The following TMC1 variants were observed in gnomAD, a reference collection of about 807,000 sequenced individuals.
TMC1 encodes the protein transmembrane channel-like protein 1.
In TMC1, 84 loss-of-function variants were observed where a neutral mutation model predicts 105.8. The ratio of observed to expected loss-of-function variants is 0.79; its 90% CI spans 0.67 to 0.95. The LOEUF (loss-of-function observed/expected upper bound fraction) is 0.95. TMC1 is among the 40% of genes least tolerant of loss of function. The probability of loss-of-function intolerance (pLI) is 0.00; values close to 1 mark genes in which losing one functional copy is unlikely to be tolerated. For synonymous variants in TMC1, 315 were observed against 311.5 expected, an observed-to-expected ratio of 1.01 and a Z score of -0.12; for missense variants, 817 against 914.1, an observed-to-expected ratio of 0.89 and a Z score of 1.37.
chr9:72,547,738 C>T (rs1823795943), intron 1 of TMC1, among the ~76,000 whole-genome samples: 1 of 152,188 alleles, frequency 6.6e-6, no homozygotes, highest in Non-Finnish European at 1.5e-5. Flanking sequence ...GAGATAGGAA[C>T]AGAGCCTGAA....
intron 1 of TMC1, among the ~76,000 whole-genome samples, chr9:72,560,649 C>T (rs370385051): frequency 1.8e-4 from 28 of 152,204 alleles, no homozygotes; most frequent in African/African-American, 6.5e-4. Flanking sequence ...CAGGTGCATG[C>T]CACCATGCCT....
intron 8 of TMC1, among the ~76,000 whole-genome samples, chr9:72,726,100 TAAC>T (rs1827120409): frequency 6.6e-6 from 1 of 152,156 alleles, no homozygotes. Context: ...ACAAATATCA[TAAC>T]AAATCGTGTG....
intron 13 of TMC1, 58 bp downstream of exon 13, chr9:72,772,613 A>C: frequency 1.2e-6 from 2 of 1,605,024 alleles, no homozygotes; most frequent in Non-Finnish European, 1.7e-6. Flanking sequence ...AAATGGAGGG[A>C]TTAATTTGGG....
rs75792567 is a variant in TMC1, at chr9:72,779,395, C to A, written c.884+6840C>A. Among the ~76,000 whole-genome samples, 1,392 of 152,316 alleles carry A rather than the reference C, an allele frequency of 9.1e-3. 25 individuals are homozygous for A. The highest frequency in any genetic ancestry group is 0.032 in the African/African-American group (1,323 of 41,570). Reference sequence around the variant, plus strand: ...CCAAATGACCATGCTAGCTCCCCAGCAATGGTTCTTAATCAGACTGAGATG... The same window carrying A: ...CCAAATGACCATGCTAGCTCCCCAGAAATGGTTCTTAATCAGACTGAGATG... On this transcript the variant is annotated intron_variant, in intron 13 of 23. Transcript: ENST00000297784.
intron 4 of TMC1, among the ~76,000 whole-genome samples, chr9:72,647,006 G>A (rs1825724103): frequency 1.3e-5 from 2 of 151,970 alleles, no homozygotes; most frequent in South Asian, 2.1e-4. Flanking sequence ...GCCCGGTGTG[G>A]TGGCGGGTGC....
intron 10 of TMC1, among the ~76,000 whole-genome samples, chr9:72,745,087 T>A (rs1827467374): frequency 6.6e-6 from 1 of 152,236 alleles, no homozygotes; most frequent in Non-Finnish European, 1.5e-5. Context: ...ACTTCTTCAC[T>A]GTTAATGGTG....
chr9:72,762,253 T>A (rs1170182086), intron 12 of TMC1, among the ~76,000 whole-genome samples: 1 of 152,218 alleles, frequency 6.6e-6, no homozygotes, highest in Non-Finnish European at 1.5e-5. Context: ...TTTCCCATCA[T>A]GCTCAGTCAT....
intron 2 of TMC1, among the ~76,000 whole-genome samples, chr9:72,595,054 C>T (rs940144668): frequency 2.6e-5 from 4 of 151,798 alleles, no homozygotes; most frequent in East Asian, 1.9e-4. Context: ...TTAGTAGAGA[C>T]GGGGTTTCTT....
chr9:72,579,906 T>A (rs1191212651), intron 2 of TMC1, among the ~76,000 whole-genome samples: 1 of 151,414 alleles, frequency 6.6e-6, no homozygotes. Context: ...TATAAATAAA[T>A]AAATAGATAA....
intron 7 of TMC1, among the ~76,000 whole-genome samples, chr9:72,698,596 A>C (rs1826589814): frequency 6.6e-6 from 1 of 152,194 alleles, no homozygotes; most frequent in Non-Finnish European, 1.5e-5. Flanking sequence ...GTTAGGAGGT[A>C]TAAATGTTAA....
At chr9:72,590,035 C>T (rs1824611455) in intron 2 of TMC1, among the ~76,000 whole-genome samples, 1 of 152,160 alleles carries the variant, frequency 6.6e-6, no homozygotes, top group African/African-American at 2.4e-5. Flanking sequence ...CTGTCCCAGC[C>T]CTTGGCTGCC....
intron 12 of TMC1, among the ~76,000 whole-genome samples, chr9:72,769,663 A>G (rs1393308993): frequency 6.6e-6 from 1 of 152,220 alleles, no homozygotes; most frequent in South Asian, 2.1e-4. Context: ...CAGCAACTTC[A>G]TAGTGTTCTC....
chr9:72,633,998 A>G (rs1195256265), intron 4 of TMC1, among the ~76,000 whole-genome samples: 5 of 152,214 alleles, frequency 3.3e-5, no homozygotes, highest in Non-Finnish European at 7.3e-5. Flanking sequence ...GATAATCACA[A>G]GGCCAGCCAA....
At chr9:72,722,291 A>G (rs1180983724) in intron 8 of TMC1, among the ~76,000 whole-genome samples, 1 of 152,120 alleles carries the variant, frequency 6.6e-6, no homozygotes, top group African/African-American at 2.4e-5. Context: ...ACTGTGCCAT[A>G]CTACTTCTAA....
chr9:72,544,478 C>CTTTT lies in TMC1; in HGVS notation c.-428+22580_-428+22583dup, dbSNP rs71493656. On this transcript the variant is annotated intron_variant, in intron 1 of 23. Coordinates refer to ENST00000297784, the MANE Select transcript of TMC1 (RefSeq NM_138691.3). ...CTTCCCTTTGTTGTTGATTTTTTAA[C>CTTTT]TTTTTTTTTTTTTTTTTTGTGAGAA... 5.1e-3 allele frequency among the ~76,000 whole-genome samples: 640 copies of CTTTT among 125,216 alleles called. 28 individuals carry two copies. Among genetic ancestry groups the CTTTT allele is most frequent in the African/African-American group, 0.019 (599 of 32,020 alleles). 82.1% of individuals were successfully genotyped at this position (125,216 alleles called of 152,430 possible). A position where few individuals can be genotyped will look rare whatever the true frequency, so the allele number is the denominator to read the frequency against.
At chr9:72,605,039 A>C (rs1405450834) in intron 2 of TMC1, among the ~76,000 whole-genome samples, 1 of 152,230 alleles carries the variant, frequency 6.6e-6, no homozygotes. Context: ...CTTCTCTTAA[A>C]ATGAAATAAT....
chr9:72,778,044 T>C (rs1588078763), intron 13 of TMC1, among the ~76,000 whole-genome samples: 1 of 152,210 alleles, frequency 6.6e-6, no homozygotes. Flanking sequence ...AATAAAGTCC[T>C]TGCCTCTGTG....
At chr9:72,564,613 G>GA (rs938486007) in intron 1 of TMC1, among the ~76,000 whole-genome samples, 9 of 152,090 alleles carry the variant, frequency 5.9e-5, no homozygotes, top group Admixed American at 2.0e-4. Context: ...GGTGGTGCTG[G>GA]AAAAAAACTT....
At chr9:72,775,100 G>A (rs1263119152) in intron 13 of TMC1, among the ~76,000 whole-genome samples, 1 of 152,126 alleles carries the variant, frequency 6.6e-6, no homozygotes, top group Non-Finnish European at 1.5e-5. Context: ...TTTAAGATAA[G>A]ATGACTAACT....
Sources: gnomAD v4.1 joint callset for allele counts (sites outside exome capture counted in the v4.1 genomes callset) on GRCh38, gnomAD v4.1.1 for gene constraint, MANE v1.5 for transcripts, NCBI Gene and HGNC (gene_info 2026-07-23, HGNC 2026-07-21) for gene names.